Variants in TDRD10 observed in about 807,000 individuals in gnomAD.
TDRD10 encodes tudor domain-containing protein 10.
TDRD10 carries 40 observed loss-of-function variants against 48.0 expected under a neutral mutation model. The observed-to-expected ratio is 0.83, with a 90% CI of 0.65 to 1.09. The LOEUF (loss-of-function observed/expected upper bound fraction) is 1.09. Among genes scored for constraint, TDRD10 ranks in the 50% least tolerant of loss-of-function variants. The pLI is 0.00. For missense variants in TDRD10, 378 were observed against 434.7 expected (o/e 0.87, Z 1.16); for synonymous variants, 162 against 170.4 (o/e 0.95, Z 0.38).
chr1:154,508,102 A>G (rs1693250242), intron 3 of TDRD10, among the ~76,000 whole-genome samples: 1 of 152,170 alleles, frequency 6.6e-6, no homozygotes, highest in African/African-American at 2.4e-5. Context: ...CTTCCCATGG[A>G]CCACTTCTTA....
chr1:154,539,163 G>A (rs138427579), intron 6 of TDRD10, among the ~76,000 whole-genome samples: 113 of 152,268 alleles, frequency 7.4e-4, no homozygotes, highest in African/African-American at 2.4e-3. Flanking sequence ...CTGTTTCTTA[G>A]TACCAACTGC....
chr1:154,535,084 C>T (rs1284005184), intron 6 of TDRD10, among the ~76,000 whole-genome samples: 1 of 152,086 alleles, frequency 6.6e-6, no homozygotes, highest in East Asian at 1.9e-4. Context: ...AAAATAATAT[C>T]CAAGCCCAAA....
chr1:154,544,561 G>A, intron 10 of TDRD10, 44 bp downstream of exon 10: 1 of 1,589,036 alleles, frequency 6.3e-7, no homozygotes, highest in South Asian at 1.1e-5. Context: ...GAGGCGTGCA[G>A]GGAAAATGCT....
intron 4 of TDRD10, among the ~76,000 whole-genome samples, chr1:154,517,541 G>A (rs1274963472): frequency 1.3e-5 from 2 of 151,136 alleles, no homozygotes; most frequent in African/African-American, 4.9e-5. Context: ...TCCTGCCTCA[G>A]CCTCCCAAGT....
At chr1:154,510,260 AT>A (rs397863678) in intron 4 of TDRD10, among the ~76,000 whole-genome samples, 5 of 122,288 alleles carry the variant, frequency 4.1e-5, no homozygotes, top group Admixed American at 8.7e-5. Flanking sequence ...AAAAAAAAAA[AT>A]TTTGAATGGT....
At chr1:154,510,245 A>G (rs1693379387) in intron 4 of TDRD10, among the ~76,000 whole-genome samples, 1 of 151,454 alleles carries the variant, frequency 6.6e-6, no homozygotes, top group South Asian at 2.1e-4. Context: ...TCTCTTAAAA[A>G]AAAAAAAAAA....
intron 10 of TDRD10, 31 bp downstream of exon 10, chr1:154,544,548 GGA>G (rs1441783905): frequency 6.2e-7 from 1 of 1,602,092 alleles, no homozygotes; most frequent in Non-Finnish European, 8.5e-7. Flanking sequence ...AGAGTCTATG[GGA>G]GAGGCGTGCA....
chr1:154,516,598 A>G (rs1245849665), intron 4 of TDRD10, among the ~76,000 whole-genome samples: 7 of 152,198 alleles, frequency 4.6e-5, no homozygotes, highest in African/African-American at 1.7e-4. Context: ...AGTACTGGAC[A>G]TCAGGTAGTG....
chr1:154,545,954 T>A (rs1695538716), intron 11 of TDRD10, among the ~76,000 whole-genome samples: 1 of 133,816 alleles, frequency 7.5e-6, no homozygotes, highest in Non-Finnish European at 1.6e-5. Flanking sequence ...TTTTTTTTTT[T>A]AGTAGAGATG....
chr1:154,506,310 G>C (rs1693149404), intron 1 of TDRD10, among the ~76,000 whole-genome samples: 1 of 151,670 alleles, frequency 6.6e-6, no homozygotes, highest in Non-Finnish European at 1.5e-5. Flanking sequence ...CATCTTCAAA[G>C]CTAACAACAG....
rs149337589 is a variant in TDRD10 at position 154,521,622 on chromosome 1, C to G, written c.369+143C>G. The G allele has an allele frequency of 3.8e-3, 3,277 of 869,980 alleles. 11 individuals are homozygous for G. The highest frequency in any genetic ancestry group is 5.1e-3 in the Non-Finnish European group (2,899 of 567,196). 53.9% of individuals were successfully genotyped at this position (869,980 alleles called of 1,614,324 possible). A position where few individuals can be genotyped will look rare whatever the true frequency, so the allele number is the denominator to read the frequency against. ...CAGGGTCTCGGGTGAAGTCAGGGAA[C>G]TTTTATGACCTTTAACAGTCAGAGG... is the stretch of plus-strand genomic sequence containing the variant. On this transcript the variant is annotated intron_variant, in intron 6 of 12. Coordinates refer to ENST00000368482, the MANE Select transcript of TDRD10 (RefSeq NM_182499.4).
intron 6 of TDRD10, among the ~76,000 whole-genome samples, chr1:154,529,250 T>A (rs747128661): frequency 6.6e-6 from 1 of 152,032 alleles, no homozygotes; most frequent in Non-Finnish European, 1.5e-5. Context: ...CAGCTACTTT[T>A]GTATTTTTAG....
chr1:154,545,041 C>A, intron 11 of TDRD10, 92 bp downstream of exon 11: 1 of 1,506,170 alleles, frequency 6.6e-7, no homozygotes, highest in South Asian at 1.3e-5. Context: ...GCATAGTGGG[C>A]GGCCAAGGTG....
intron 6 of TDRD10, among the ~76,000 whole-genome samples, chr1:154,539,680 C>A (rs575131860): frequency 2.3e-4 from 35 of 152,326 alleles, no homozygotes; most frequent in Non-Finnish European, 5.0e-4. Flanking sequence ...ATGCACCAGG[C>A]ATTTCCTAGG....
chr1:154,528,196 T>C (rs1464487488), intron 6 of TDRD10, among the ~76,000 whole-genome samples: 1 of 146,546 alleles, frequency 6.8e-6, no homozygotes, highest in African/African-American at 2.5e-5. Flanking sequence ...CTGGTCAACA[T>C]AGGGAAACCT....
intron 5 of TDRD10, 92 bp downstream of exon 5, chr1:154,520,466 G>A: frequency 1.0e-6 from 1 of 972,720 alleles, no homozygotes; most frequent in Non-Finnish European, 1.6e-6. Flanking sequence ...GACTAGCCCA[G>A]CAACCGCCAC....
intron 6 of TDRD10, among the ~76,000 whole-genome samples, chr1:154,531,822 G>A (rs531010643): frequency 6.6e-6 from 1 of 152,112 alleles, no homozygotes; most frequent in Non-Finnish European, 1.5e-5. Context: ...GTTTTGACAG[G>A]GTGCTGATTG....
chr1:154,543,741 C>G (rs951617867), intron 8 of TDRD10, among the ~76,000 whole-genome samples: 1 of 152,240 alleles, frequency 6.6e-6, no homozygotes, highest in Non-Finnish European at 1.5e-5. Flanking sequence ...CTCTTCAACC[C>G]CTACGCCCCC....
chr1:154,511,041 G>A (rs1389417689), intron 4 of TDRD10, among the ~76,000 whole-genome samples: 2 of 149,208 alleles, frequency 1.3e-5, no homozygotes, highest in Admixed American at 6.7e-5. Flanking sequence ...GCGAGACCCT[G>A]TTTCAAAAAA....
Sources: allele counts gnomAD v4.1 joint callset (sites outside exome capture counted in the v4.1 genomes callset), GRCh38; gene constraint gnomAD v4.1.1; transcripts MANE v1.5; gene names NCBI Gene and HGNC (gene_info 2026-07-23, HGNC 2026-07-21).